POLN: variants seen among roughly 807,000 people sequenced by gnomAD.
POLN encodes DNA polymerase nu, also known as DNA polymerase N.
A neutral mutation model predicts 113.5 loss-of-function variants in POLN; 108 were observed. The ratio of observed to expected loss-of-function variants is 0.95; its 90% confidence interval spans 0.81 to 1.12. POLN has a LOEUF of 1.12. Ranked by LOEUF, POLN falls within the 50% of genes most tolerant of loss-of-function variation. The pLI, the probability that POLN is intolerant of heterozygous loss-of-function variation, is 0.00. For synonymous variants in POLN, 386 were observed against 391.5 expected, an observed-to-expected ratio of 0.99 and a Z score of 0.17; for missense variants, 1,097 against 1,077.1, an observed-to-expected ratio of 1.02 and a Z score of -0.26.
chr4:2,177,398 T>A, intron 8 of POLN: 2 of 375,148 alleles, frequency 5.3e-6, no homozygotes, highest in South Asian at 1.9e-5. Flanking sequence ...CTTCCATTTA[T>A]CTGAACAATT....
chr4:2,100,770 C>T (rs1044462108), intron 19 of POLN, among the ~76,000 whole-genome samples: 2 of 152,134 alleles, frequency 1.3e-5, no homozygotes, highest in Admixed American at 1.3e-4. Flanking sequence ...AAAGAAAAAG[C>T]CCCAAACAGG....
intron 6 of POLN, among the ~76,000 whole-genome samples, chr4:2,195,650 A>G (rs1486097688): frequency 6.6e-6 from 1 of 151,902 alleles, no homozygotes; most frequent in African/African-American, 2.4e-5. Context: ...TACCCGGGTA[A>G]TTTTTAAATT....
At chr4:2,073,830 T>C (rs1347912517) in intron 24 of POLN, among the ~76,000 whole-genome samples, 1 of 152,176 alleles carries the variant, frequency 6.6e-6, no homozygotes, top group Non-Finnish European at 1.5e-5. Context: ...TGGGGACCTG[T>C]CCCTGGTGTG....
At chr4:2,201,920 A>T (rs1733726101) in intron 5 of POLN, among the ~76,000 whole-genome samples, 1 of 152,146 alleles carries the variant, frequency 6.6e-6, no homozygotes. Context: ...ATCCAACGAA[A>T]CTAAGCTTCA....
At chr4:2,211,726 T>C (rs746128601) in intron 4 of POLN, among the ~76,000 whole-genome samples, 2 of 152,010 alleles carry the variant, frequency 1.3e-5, no homozygotes, top group Non-Finnish European at 2.9e-5. Flanking sequence ...TAGCTGGGCA[T>C]GGTTGCAGAG....
chr4:2,144,744 T>C lies in POLN; in HGVS notation c.1731+12044A>G, dbSNP rs1335777177. 2.6e-5 allele frequency among the ~76,000 whole-genome samples: 4 copies of C among 152,196 alleles called. No homozygotes were observed. In the East Asian group the frequency reaches 7.7e-4, roughly 29 times the overall value. ...GATGTAAGTCCCTGGTTTTACTCTTTCCTTCAATAACATTTAGCGATTACC... is the reference window on the plus strand; with the variant it reads ...GATGTAAGTCCCTGGTTTTACTCTTCCCTTCAATAACATTTAGCGATTACC... On this transcript the variant is annotated intron_variant, in intron 16 of 25. Transcript: ENST00000511885.
At chr4:2,091,620 G>A (rs537064610) in intron 20 of POLN, among the ~76,000 whole-genome samples, 91 of 152,244 alleles carry the variant, frequency 6.0e-4, no homozygotes, top group African/African-American at 1.9e-3. Flanking sequence ...CTGTGATTCC[G>A]TTGATCCTGT....
At chr4:2,100,093 A>T (rs28464876) in intron 19 of POLN, among the ~76,000 whole-genome samples, 2 of 137,990 alleles carry the variant, frequency 1.4e-5, no homozygotes, top group African/African-American at 2.6e-5. Flanking sequence ...AAAGAAAAAG[A>T]AAAAAGAGAG....
At chr4:2,180,323 G>A (rs559930901) in intron 7 of POLN, among the ~76,000 whole-genome samples, 1 of 152,310 alleles carries the variant, frequency 6.6e-6, no homozygotes, top group South Asian at 2.1e-4. Flanking sequence ...GGGCGGGCTA[G>A]AAATCAATAG....
intron 19 of POLN, among the ~76,000 whole-genome samples, chr4:2,102,305 C>T (rs1010503256): frequency 1.3e-5 from 2 of 152,184 alleles, no homozygotes; most frequent in African/African-American, 2.4e-5. Context: ...CAATTTACCA[C>T]CTGGGACACT....
intron 4 of POLN, 40 bp from the exon 5 acceptor site, chr4:2,208,527 C>T: frequency 1.4e-6 from 2 of 1,418,950 alleles, no homozygotes; most frequent in Non-Finnish European, 1.9e-6. Flanking sequence ...AATATGGACT[C>T]ATAAGACAGA....
intron 19 of POLN, among the ~76,000 whole-genome samples, chr4:2,123,978 A>G (rs2108721123): frequency 6.6e-6 from 1 of 152,352 alleles, no homozygotes; most frequent in South Asian, 2.1e-4. Context: ...TATATAGAAT[A>G]TATTATTCCA....
rs1392753466 is a variant in POLN at position 2,085,678 on chromosome 4, A to G, written c.2132T>C (p.Phe711Ser). Residue 711 changes from phenylalanine to serine, a missense_variant, in exon 21 of 26, where the codon TTT (phenylalanine) becomes TCT (serine). Phe to Ser is a radical substitution (Grantham distance 155, BLOSUM62 -2). Transcript: ENST00000511885. ...CTTGATTTTCTTGTACTTCTGCAAA[A>G]AACTCTCCAAAAACTGGGCAGCTTC... ...IQEAAQFLES[F>S]LQKYKKIKDF... The G allele has an allele frequency of 2.5e-6, 4 of 1,614,106 alleles. No homozygotes were observed. In the Admixed American group the frequency reaches 6.7e-5, roughly 27 times the overall value.
chr4:2,109,097 GA>G (rs2108710217), intron 19 of POLN, among the ~76,000 whole-genome samples: 1 of 152,276 alleles, frequency 6.6e-6, no homozygotes, highest in African/African-American at 2.4e-5. Flanking sequence ...ATTTTGGAAG[GA>G]ATTAGATGTG....
Position 2,127,978 on chromosome 4 carries a change from T to C in POLN, c.1982+135A>G, listed in dbSNP as rs1731625709. ...GGCATCCTAGTTATCTACTCTTCTT[T>C]TCAAAATGATTAGCTATTAGCCACA... On this transcript the variant is annotated intron_variant, in intron 19 of 25. Transcript: ENST00000511885. This position sits in a 1 kb window ranked among gnomAD's most constrained non-coding sequence, Gnocchi z 4.7. The C allele has an allele frequency of 1.6e-6, 1 of 624,980 alleles. No homozygotes were observed. The highest frequency in any genetic ancestry group is 2.9e-5 in the East Asian group (1 of 34,634). 38.7% of individuals were successfully genotyped at this position (624,980 alleles called of 1,614,324 possible). A position where few individuals can be genotyped will look rare whatever the true frequency, so the allele number is the denominator to read the frequency against.
At chr4:2,161,551 C>G (rs1188054097) in intron 13 of POLN, among the ~76,000 whole-genome samples, 1 of 152,248 alleles carries the variant, frequency 6.6e-6, no homozygotes, top group Non-Finnish European at 1.5e-5. Flanking sequence ...AGCCTCCCAC[C>G]CCCTCCGTGG....
intron 24 of POLN, 63 bp from the exon 25 acceptor site, chr4:2,073,092 G>C: frequency 1.9e-6 from 3 of 1,550,312 alleles, no homozygotes; most frequent in Non-Finnish European, 2.7e-6. Context: ...GGGAGCCGAA[G>C]ATAAGAGAAC....
At chr4:2,075,393 A>C in intron 24 of POLN, 59 bp downstream of exon 24, 1 of 1,568,218 alleles carries the variant, frequency 6.4e-7, no homozygotes. Context: ...CCCATGGGGC[A>C]TGGAGCCTCC....
At chr4:2,236,422 T>G (rs763383037) in intron 2 of POLN, 1 of 1,613,236 alleles carries the variant, frequency 6.2e-7, no homozygotes, top group South Asian at 1.1e-5. Flanking sequence ...AACAATTCTT[T>G]TTTCTTATTC....
Sources: gnomAD v4.1 joint callset for allele counts (sites outside exome capture counted in the v4.1 genomes callset) on GRCh38, gnomAD v4.1.1 for gene constraint, Gnocchi (gnomAD v3.1) non-coding constraint, MANE v1.5 for transcripts, NCBI Gene and HGNC (gene_info 2026-07-23, HGNC 2026-07-21) for gene names.